Variants in NRXN1 observed in about 807,000 individuals in gnomAD.
The protein encoded by NRXN1 is neurexin 1.
NRXN1 carries 39 observed loss-of-function variants against 150.9 expected under a neutral mutation model. That is an observed-to-expected ratio of 0.26 (90% confidence interval 0.20 to 0.34). NRXN1 has a LOEUF of 0.34. Among genes scored for constraint, NRXN1 ranks in the 10% least tolerant of loss-of-function variants. The pLI is 1.00. For missense variants in NRXN1, 1,815 were observed against 1,949.9 expected, an observed-to-expected ratio of 0.93 and a Z score of 1.30; for synonymous variants, 924 against 757.0, an observed-to-expected ratio of 1.22 and a Z score of -3.62.
At chr2:50,950,646 G>A (rs1177356846) in intron 2 of NRXN1, among the ~76,000 whole-genome samples, 2 of 152,168 alleles carry the variant, frequency 1.3e-5, no homozygotes, top group East Asian at 1.9e-4. Context: ...AGTGTGCCCC[G>A]CCCAAATTCA....
Position 49,990,437 on chromosome 2 carries a change from A to T in NRXN1, c.4129-46646T>A, listed in dbSNP as rs72887839. On this transcript the variant is annotated intron_variant, in intron 21 of 22. Transcript: ENST00000401669. ...TTTATTCTATATATGATAGGAAATC[A>T]TTGAAGGTTGTAAGAGCAGAATAAT... Among the ~76,000 whole-genome samples the T allele has an allele frequency of 6.4e-3, 975 of 152,314 alleles. 13 individuals are homozygous for T. The highest frequency in any genetic ancestry group is 0.022 in the African/African-American group (934 of 41,570).
chr2:50,913,203 A>G (rs1271501646), intron 5 of NRXN1, among the ~76,000 whole-genome samples: 1 of 151,782 alleles, frequency 6.6e-6, no homozygotes, highest in Non-Finnish European at 1.5e-5. Context: ...CTGTTCACTG[A>G]GTTTAGAGGA....
chr2:50,833,849 A>T (rs964372671), intron 5 of NRXN1, among the ~76,000 whole-genome samples: 1 of 152,214 alleles, frequency 6.6e-6, no homozygotes, highest in Non-Finnish European at 1.5e-5. Context: ...AACATAAAGC[A>T]ACCATTTAAA....
chr2:50,097,065 T>C (rs942356276), intron 18 of NRXN1, among the ~76,000 whole-genome samples: 2 of 152,162 alleles, frequency 1.3e-5, no homozygotes, highest in African/African-American at 4.8e-5. Context: ...CATACAGACA[T>C]GTTACATAAG....
At chr2:50,660,751 G>C (rs1687178705) in intron 5 of NRXN1, among the ~76,000 whole-genome samples, 1 of 151,958 alleles carries the variant, frequency 6.6e-6, no homozygotes, top group South Asian at 2.1e-4. Context: ...CTTGAATTTA[G>C]GGTCCTCCAA....
At chr2:50,619,696 A>T in intron 8 of NRXN1, 1 of 395,722 alleles carries the variant, frequency 2.5e-6, no homozygotes, top group Non-Finnish European at 4.5e-6. Context: ...GCATTTAAGT[A>T]GAAATAAGCA....
At chr2:50,740,056 T>G (rs1242996450) in intron 5 of NRXN1, among the ~76,000 whole-genome samples, 1 of 152,160 alleles carries the variant, frequency 6.6e-6, no homozygotes, top group Non-Finnish European at 1.5e-5. Context: ...CTCAGGCAAG[T>G]TTCTCATTTT....
At chr2:49,975,137 A>G (rs577638714) in intron 21 of NRXN1, among the ~76,000 whole-genome samples, 1 of 150,982 alleles carries the variant, frequency 6.6e-6, no homozygotes, top group East Asian at 1.9e-4. Flanking sequence ...ATATGATTAT[A>G]TACAGTCTGA....
chr2:50,760,092 C>G (rs1033143595), intron 5 of NRXN1, among the ~76,000 whole-genome samples: 2 of 151,822 alleles, frequency 1.3e-5, no homozygotes, highest in African/African-American at 4.8e-5. Flanking sequence ...TTTAAAATCT[C>G]GCTGCACACA....
chr2:50,257,342 A>C (rs1366178775), intron 17 of NRXN1, among the ~76,000 whole-genome samples: 2 of 152,120 alleles, frequency 1.3e-5, no homozygotes, highest in Non-Finnish European at 2.9e-5. Context: ...AAGAAAACAA[A>C]ATTTGCAAAA....
At chr2:50,679,773 G>A (rs2104789011) in intron 5 of NRXN1, among the ~76,000 whole-genome samples, 1 of 152,228 alleles carries the variant, frequency 6.6e-6, no homozygotes, top group Admixed American at 6.5e-5. Context: ...TTAGAACCAT[G>A]ACTTGGATTC....
At chr2:50,905,249 C>T (rs117358475) in intron 5 of NRXN1, among the ~76,000 whole-genome samples, 2 of 152,214 alleles carry the variant, frequency 1.3e-5, no homozygotes, top group East Asian at 3.9e-4. Flanking sequence ...TAAAGTGGGA[C>T]TCTGATAATG....
chr2:50,084,230 T>C (rs941826259), intron 19 of NRXN1, among the ~76,000 whole-genome samples: 1 of 152,186 alleles, frequency 6.6e-6, no homozygotes, highest in African/African-American at 2.4e-5. Context: ...TCCGGCGCCA[T>C]GCCCTTGCGC....
At chr2:50,983,551 G>A (rs942457092) in intron 2 of NRXN1, among the ~76,000 whole-genome samples, 1 of 151,996 alleles carries the variant, frequency 6.6e-6, no homozygotes, top group Non-Finnish European at 1.5e-5. Flanking sequence ...TCAAACACAG[G>A]ACAGTTAACA....
chr2:49,998,189 T>C (rs1266860625), intron 21 of NRXN1, among the ~76,000 whole-genome samples: 4 of 152,152 alleles, frequency 2.6e-5, no homozygotes, highest in Admixed American at 1.3e-4. Flanking sequence ...TTTTACCTGC[T>C]CTAAACTCTG....
intron 21 of NRXN1, among the ~76,000 whole-genome samples, chr2:49,997,652 C>G (rs1683218874): frequency 6.6e-6 from 1 of 152,064 alleles, no homozygotes; most frequent in Non-Finnish European, 1.5e-5. Context: ...CTTATTGTCT[C>G]CTTGCCATGT....
chr2:50,613,155 A>G (rs1349006871), intron 8 of NRXN1, among the ~76,000 whole-genome samples: 1 of 152,174 alleles, frequency 6.6e-6, no homozygotes, highest in East Asian at 1.9e-4. Context: ...GGTAGAAAAA[A>G]AATTTCTTTC....
chr2:50,578,891 G>A (rs778521160), intron 8 of NRXN1, among the ~76,000 whole-genome samples: 4 of 152,098 alleles, frequency 2.6e-5, no homozygotes, highest in Admixed American at 6.5e-5. Flanking sequence ...TTACATGAAC[G>A]AAATCCACGC....
chr2:50,183,642 A>C (rs74649115), intron 18 of NRXN1, among the ~76,000 whole-genome samples: 1,646 of 150,822 alleles, frequency 0.011, 36 homozygotes, highest in African/African-American at 0.039. Flanking sequence ...GGCAATATCT[A>C]AAAGTGTTTC....
Sources: allele counts gnomAD v4.1 joint callset (sites outside exome capture counted in the v4.1 genomes callset), GRCh38; gene constraint gnomAD v4.1.1; transcripts MANE v1.5; gene names NCBI Gene and HGNC (gene_info 2026-07-23, HGNC 2026-07-21).